TLL1: variants seen among roughly 807,000 people sequenced by gnomAD.
TLL1 encodes the protein tolloid like 1.
In TLL1, 49 loss-of-function variants were observed where a neutral mutation model predicts 128.2. The observed-to-expected ratio is 0.38, with a 90% CI of 0.30 to 0.48. The LOEUF is 0.48. Ranked by LOEUF, TLL1 falls within the 20% of genes least tolerant of loss-of-function variation. The pLI is 0.96. For synonymous variants in TLL1, 454 were observed against 418.8 expected, an observed-to-expected ratio of 1.08 and a Z score of -1.03; for missense variants, 1,123 against 1,242.0, an observed-to-expected ratio of 0.90 and a Z score of 1.44.
chr4:165,946,496 C>G (rs1249401601), intron 1 of TLL1, among the ~76,000 whole-genome samples: 2 of 146,362 alleles, frequency 1.4e-5, no homozygotes, highest in South Asian at 4.2e-4. Context: ...GCATACCCAG[C>G]TAATTTTTTT....
chr4:166,072,955 A>G (rs1375389327), intron 16 of TLL1, among the ~76,000 whole-genome samples: 2 of 152,064 alleles, frequency 1.3e-5, no homozygotes, highest in Middle Eastern at 3.4e-3. Flanking sequence ...TTTCCAAGCT[A>G]CTCTCAAAAG....
At chr4:165,941,064 T>C (rs1349581858) in intron 1 of TLL1, among the ~76,000 whole-genome samples, 2 of 151,962 alleles carry the variant, frequency 1.3e-5, no homozygotes, top group African/African-American at 4.8e-5. Context: ...CTGAGACAGG[T>C]AGGTTTTCTC....
Position 166,101,105 on chromosome 4 carries a change from A to G in TLL1, c.*229A>G, listed in dbSNP as rs1223118459. On this transcript the variant is annotated 3_prime_UTR_variant, in exon 21 of 21. Coordinates refer to ENST00000061240, the MANE Select transcript of TLL1 (RefSeq NM_012464.5). ...TTGATGGTATTAATAAAGCTGGTGA[A>G]AGGGCATCATATACTTCAAGGAAGA... 7.8e-6 allele frequency: 4 copies of G among 511,708 alleles called. No homozygotes were observed. Among genetic ancestry groups the G allele is most frequent in the Non-Finnish European group, 1.4e-5 (4 of 287,762 alleles). 31.7% of individuals were successfully genotyped at this position (511,708 alleles called of 1,614,324 possible). A position where few individuals can be genotyped will look rare whatever the true frequency, so the allele number is the denominator to read the frequency against.
intron 2 of TLL1, among the ~76,000 whole-genome samples, chr4:165,992,153 CTG>C (rs896784879): frequency 1.3e-5 from 2 of 151,934 alleles, no homozygotes; most frequent in African/African-American, 2.4e-5. Context: ...TTTTTACACT[CTG>C]TTTTTTATAA....
At position 165,898,229 on chromosome 4, in the gene TLL1, C is replaced by T. The variant is rs192923542; in HGVS notation, c.169+24156C>T. 6.3e-3 allele frequency among the ~76,000 whole-genome samples: 923 copies of T among 145,636 alleles called. 7 individuals are homozygous for T. The highest frequency in any genetic ancestry group is 0.011 in the Non-Finnish European group (689 of 65,174). The stretch of plus-strand genomic sequence containing the variant: ...ATCTGAATATGCTTTATTTCTTTCT[C>T]TTGCCTGATTGCCCTGGCCAGAATT... On this transcript the variant is annotated intron_variant, in intron 1 of 20. Transcript: ENST00000061240.
intron 1 of TLL1, among the ~76,000 whole-genome samples, chr4:165,902,163 A>C (rs1455749839): frequency 1.3e-5 from 2 of 152,078 alleles, no homozygotes; most frequent in Admixed American, 6.5e-5. Flanking sequence ...AAGCCAGTGG[A>C]TTTTAGCTTG....
chr4:166,051,327 T>TTCCTTCCTTCCTTCCTTCCTTCC (rs1560836757), intron 12 of TLL1, among the ~76,000 whole-genome samples: 1 of 101,890 alleles, frequency 9.8e-6, no homozygotes, highest in Non-Finnish European at 2.3e-5. Context: ...TCCTTCCTTC[T>TTCCTTCCTTCCTTCCTTCCTTCC]TTCCTTCCTC....
In TLL1 at chr4:165,900,021, C is replaced by G. The variant is rs374940274; in HGVS notation, c.169+25948C>G. 7.3e-5 allele frequency among the ~76,000 whole-genome samples: 11 copies of G among 149,944 alleles called. No individual in the cohort carries two copies. In the East Asian group the frequency reaches 1.6e-3, roughly 21 times the overall value. Reference sequence around the variant, plus strand: ...TTTGTTGGCTTAAAGTCTGTTTTATCAGGGACTAGGATTGTAACCCCTGCT... The same window carrying G: ...TTTGTTGGCTTAAAGTCTGTTTTATGAGGGACTAGGATTGTAACCCCTGCT... On this transcript the variant is annotated intron_variant, in intron 1 of 20. Coordinates refer to ENST00000061240, the MANE Select transcript of TLL1 (RefSeq NM_012464.5).
chr4:165,925,922 G>T (rs1476496055), intron 1 of TLL1, among the ~76,000 whole-genome samples: 1 of 152,128 alleles, frequency 6.6e-6, no homozygotes, highest in Non-Finnish European at 1.5e-5. Flanking sequence ...GCCATTTTTA[G>T]CAATAAAGTA....
chr4:165,938,780 C>CTTT (rs11383521), intron 1 of TLL1, among the ~76,000 whole-genome samples: 178 of 141,476 alleles, frequency 1.3e-3, no homozygotes, highest in African/African-American at 4.5e-3. Flanking sequence ...TCCTTAAAAT[C>CTTT]TTTTTTTTTT....
At chr4:165,950,321 T>A (rs2110938619) in intron 1 of TLL1, among the ~76,000 whole-genome samples, 1 of 152,244 alleles carries the variant, frequency 6.6e-6, no homozygotes, top group Middle Eastern at 3.4e-3. Flanking sequence ...CACCATTGCA[T>A]TTGGAGACTT....
chr4:166,027,866 T>G (rs569208767), intron 9 of TLL1, among the ~76,000 whole-genome samples: 180 of 152,262 alleles, frequency 1.2e-3, no homozygotes, highest in African/African-American at 4.1e-3. Flanking sequence ...GCCATTAGCA[T>G]TGAGCTAATT....
At chr4:166,000,460 TA>T (rs1390252832) in intron 5 of TLL1, among the ~76,000 whole-genome samples, 3 of 152,184 alleles carry the variant, frequency 2.0e-5, no homozygotes, top group Admixed American at 2.0e-4. Context: ...CTTTCCAGTG[TA>T]AAACCTCATC....
Position 166,100,879 on chromosome 4 carries a change from C to A in TLL1, c.*3C>A, listed in dbSNP as rs760805793. 3.1e-6 allele frequency: 5 copies of A among 1,612,208 alleles called. No homozygotes were observed. Among genetic ancestry groups the A allele is most frequent in the Admixed American group, 3.3e-5 (2 of 59,862 alleles). On this transcript the variant is annotated 3_prime_UTR_variant, in exon 21 of 21. Coordinates refer to ENST00000061240, the MANE Select transcript of TLL1 (RefSeq NM_012464.5). ...ATACCACACATACCAAAAAATAACA[C>A]CAAAACCTCTGTCAGAACACAAAGG...
chr4:165,900,691 G>T (rs1445111120), intron 1 of TLL1, among the ~76,000 whole-genome samples: 1 of 152,082 alleles, frequency 6.6e-6, no homozygotes, highest in East Asian at 1.9e-4. Flanking sequence ...TTTCAACCTT[G>T]GTAAATCTGA....
chr4:166,088,297 G>T (rs959266351), intron 18 of TLL1, among the ~76,000 whole-genome samples: 5 of 152,088 alleles, frequency 3.3e-5, no homozygotes, highest in Non-Finnish European at 7.4e-5. Context: ...GGTTCAGCTT[G>T]TGTTGTAGAA....
chr4:166,016,775 C>A, intron 8 of TLL1, among the ~76,000 whole-genome samples: 1 of 151,538 alleles, frequency 6.6e-6, no homozygotes, highest in East Asian at 1.9e-4. Context: ...GAGTAAGGGA[C>A]AGCTAAAAGA....
At chr4:166,065,643 A>G (rs754688523) in intron 15 of TLL1, 40 bp from the exon 16 acceptor site, 3 of 1,589,998 alleles carry the variant, frequency 1.9e-6, no homozygotes. Flanking sequence ...ATCATCTTGT[A>G]CTCACAAATC....
chr4:166,061,125 C>A (rs762883954), intron 15 of TLL1, among the ~76,000 whole-genome samples: 2 of 152,064 alleles, frequency 1.3e-5, no homozygotes, highest in African/African-American at 2.4e-5. Context: ...TGTAATGTAT[C>A]TGTGCCACTG....
Sources: allele counts gnomAD v4.1 joint callset (sites outside exome capture counted in the v4.1 genomes callset), GRCh38; gene constraint gnomAD v4.1.1; transcripts MANE v1.5; gene names NCBI Gene and HGNC (gene_info 2026-07-23, HGNC 2026-07-21).